TCF4: variants seen among roughly 807,000 people sequenced by gnomAD.
TCF4 encodes transcription factor 4, also known as SL3-3 enhancer factor 2.
Under a neutral mutation model 82.1 loss-of-function variants are expected in TCF4, and 3 were observed. The ratio of observed to expected loss-of-function variants is 0.04; its 90% CI spans 0.02 to 0.09. The LOEUF (loss-of-function observed/expected upper bound fraction) is 0.09, where lower values mean the gene tolerates loss of function less well. Among genes scored for constraint, TCF4 ranks in the 10% least tolerant of loss-of-function variants. The pLI is 1.00. For synonymous variants in TCF4, 276 were observed against 309.6 expected (o/e 0.89, Z 1.14); for missense variants, 518 against 852.7 (o/e 0.61, Z 4.89).
chr18:55,305,626 C>G (rs141564654), intron 8 of TCF4, among the ~76,000 whole-genome samples: 2 of 152,188 alleles, frequency 1.3e-5, no homozygotes, highest in East Asian at 1.9e-4. Flanking sequence ...TATGTTTAGA[C>G]AAGAATGGTA....
intron 3 of TCF4, among the ~76,000 whole-genome samples, chr18:55,466,949 C>T (rs973355124): frequency 6.6e-6 from 1 of 152,162 alleles, no homozygotes. Flanking sequence ...TCCACCCTTT[C>T]CCATTTCCAT....
At chr18:55,420,760 A>G (rs1194138904) in intron 5 of TCF4, among the ~76,000 whole-genome samples, 1 of 152,182 alleles carries the variant, frequency 6.6e-6, no homozygotes, top group Non-Finnish European at 1.5e-5. Context: ...ATTTACACAT[A>G]TTAGAAGCTG....
chr18:55,350,734 C>G (rs930059687), intron 7 of TCF4, 140 bp downstream of exon 7: 37 of 1,198,146 alleles, frequency 3.1e-5, no homozygotes, highest in Non-Finnish European at 4.0e-5. Context: ...GGGGGGAAGT[C>G]TCCAGGCTGA....
At chr18:55,353,050 C>A (rs1300028894) in intron 6 of TCF4, among the ~76,000 whole-genome samples, 1 of 152,052 alleles carries the variant, frequency 6.6e-6, no homozygotes, top group Non-Finnish European at 1.5e-5. Flanking sequence ...ATTCAGAAAA[C>A]GGCTAAGCAA....
rs1415674019 is a variant in TCF4 at position 55,468,084 on chromosome 18, G to A, written c.146-3947C>T. On this transcript the variant is annotated intron_variant, in intron 3 of 19. Transcript: ENST00000354452. ...GTTCCCTCCTGTCACTTCTCCCCACGCAGAGTGAATATATTTATTTGGGAG... is the reference window on the plus strand; with the variant it reads ...GTTCCCTCCTGTCACTTCTCCCCACACAGAGTGAATATATTTATTTGGGAG... Among the ~76,000 whole-genome samples, 5 of 152,214 alleles carry A rather than the reference G, an allele frequency of 3.3e-5. No individual in the cohort carries two copies. In the East Asian group the frequency reaches 9.7e-4, roughly 29 times the overall value.
At chr18:55,335,101 G>A (rs1209646107) in intron 8 of TCF4, among the ~76,000 whole-genome samples, 3 of 152,128 alleles carry the variant, frequency 2.0e-5, no homozygotes, top group Admixed American at 6.5e-5. Context: ...GAAGTGTGCC[G>A]GCCACAATCA....
Position 55,228,308 on chromosome 18 carries a change from C to A in TCF4, c.1933G>T (p.Val645Leu), listed in dbSNP as rs1555708033. 2 of 1,614,030 alleles carry A rather than the reference C, an allele frequency of 1.2e-6. No homozygotes were observed. The highest frequency in any genetic ancestry group is 2.7e-5 in the African/African-American group (2 of 74,912). The change falls in exon 19 of 20, where the codon GTG (valine) becomes TTG (leucine). Residue 645 changes from valine (V) to leucine (L), a missense_variant. Val to Leu is a conservative substitution (Grantham distance 32). This residue lies in a region of TCF4 where 40 missense variants were observed against 41.5 expected (regional missense o/e 0.96). Coordinates refer to ENST00000354452, the MANE Select transcript of TCF4 (RefSeq NM_001083962.2). ...ACLKRREEEK[V>L]SSEPPPLSLA... ...GAGAGAGGGGGAGGCTCTGAGGACACCTTCTCTTCCTCCCTTCTTTTCAGA... is the reference window on the plus strand; with the variant it reads ...GAGAGAGGGGGAGGCTCTGAGGACAACTTCTCTTCCTCCCTTCTTTTCAGA...
intron 3 of TCF4, among the ~76,000 whole-genome samples, chr18:55,524,743 T>A (rs1366494321): frequency 6.6e-6 from 1 of 152,184 alleles, no homozygotes; most frequent in Non-Finnish European, 1.5e-5. Flanking sequence ...GGTGGTCATT[T>A]GGCAACTGAA....
At chr18:55,441,180 T>C (rs1340481452) in intron 5 of TCF4, among the ~76,000 whole-genome samples, 5 of 152,226 alleles carry the variant, frequency 3.3e-5, no homozygotes, top group Admixed American at 3.3e-4. Flanking sequence ...CAAATTTGCA[T>C]AACCAAATCA....
intron 6 of TCF4, among the ~76,000 whole-genome samples, chr18:55,392,869 A>G (rs144487688): frequency 6.6e-6 from 1 of 152,334 alleles, no homozygotes; most frequent in Admixed American, 6.5e-5. Flanking sequence ...TTCTATGAAA[A>G]TATAAAGCAA....
At chr18:55,464,549 G>GGATC (rs2095963651) in intron 3 of TCF4, among the ~76,000 whole-genome samples, 2 of 152,192 alleles carry the variant, frequency 1.3e-5, no homozygotes, top group South Asian at 4.1e-4. Context: ...TCGCCATAAT[G>GGATC]CTCTTGGATC....
At chr18:55,435,700 G>C (rs959450772) in intron 5 of TCF4, among the ~76,000 whole-genome samples, 3 of 152,138 alleles carry the variant, frequency 2.0e-5, no homozygotes, top group Non-Finnish European at 4.4e-5. Flanking sequence ...TTTAGATCTG[G>C]CTGCCATGAC....
chr18:55,631,479 TA>T, intron 1 of TCF4: 1 of 1,399,242 alleles, frequency 7.1e-7, no homozygotes, highest in Admixed American at 2.1e-5. Context: ...GAAGAAATGA[TA>T]ATGTTTTGGG....
chr18:55,568,328 C>T (rs1389279712), intron 3 of TCF4, among the ~76,000 whole-genome samples: 1 of 150,942 alleles, frequency 6.6e-6, no homozygotes, highest in Admixed American at 6.6e-5. Context: ...TTAGCTTGAT[C>T]ATGAAAAAAA....
chr18:55,601,806 G>A (rs763792255), intron 2 of TCF4, among the ~76,000 whole-genome samples: 1 of 152,012 alleles, frequency 6.6e-6, no homozygotes, highest in Non-Finnish European at 1.5e-5. Context: ...AAAGAAGGTC[G>A]GCTTCAAGGT....
intron 8 of TCF4, among the ~76,000 whole-genome samples, chr18:55,333,754 C>T (rs571413436): frequency 1.3e-5 from 2 of 152,244 alleles, no homozygotes; most frequent in Non-Finnish European, 2.9e-5. Flanking sequence ...TTCAAGACTG[C>T]AAGTTCACAG....
upstream of TCF4, among the ~76,000 whole-genome samples, chr18:55,589,060 TCC>T (rs1293729873): frequency 2.0e-5 from 3 of 152,086 alleles, no homozygotes; most frequent in Non-Finnish European, 2.9e-5. Flanking sequence ...GCGTGCTTTA[TCC>T]GGTATATGCA....
chr18:55,529,878 A>C (rs959706409), intron 3 of TCF4, among the ~76,000 whole-genome samples: 3 of 152,134 alleles, frequency 2.0e-5, no homozygotes, highest in African/African-American at 2.4e-5. Flanking sequence ...TCTGCAGGTG[A>C]TTCAGTTAAC....
intron 5 of TCF4, among the ~76,000 whole-genome samples, chr18:55,429,781 A>AC (rs1444267383): frequency 1.5e-4 from 22 of 150,746 alleles, no homozygotes; most frequent in African/African-American, 5.4e-4. Flanking sequence ...AAAAAAAAAA[A>AC]AAAAAAAACA....
Sources: allele counts gnomAD v4.1 joint callset (sites outside exome capture counted in the v4.1 genomes callset), GRCh38; gene constraint gnomAD v4.1.1; regional missense constraint gnomAD v4.1.1; transcripts MANE v1.5; gene names NCBI Gene and HGNC (gene_info 2026-07-23, HGNC 2026-07-21).